NELL2: variants seen among roughly 807,000 people sequenced by gnomAD.
The protein encoded by NELL2 is protein kinase C-binding protein NELL2.
NELL2 carries 41 observed loss-of-function variants against 109.6 expected under a neutral mutation model. That is an observed-to-expected ratio of 0.37 (90% confidence interval 0.29 to 0.49). The LOEUF is 0.49. NELL2 is among the 20% of genes least tolerant of loss of function. The pLI is 0.98. For missense variants in NELL2, 900 were observed against 1,008.3 expected, an observed-to-expected ratio of 0.89 and a Z score of 1.45; for synonymous variants, 355 against 344.7, an observed-to-expected ratio of 1.03 and a Z score of -0.33.
At chr12:44,617,802 T>G (rs1256177785) in intron 13 of NELL2, among the ~76,000 whole-genome samples, 2 of 151,992 alleles carry the variant, frequency 1.3e-5, no homozygotes, top group African/African-American at 4.8e-5. Context: ...AGTTGCCTAT[T>G]ATCTACTTCA....
chr12:44,749,598 G>GA (rs765419945), intron 9 of NELL2, among the ~76,000 whole-genome samples: 1 of 152,040 alleles, frequency 6.6e-6, no homozygotes, highest in Non-Finnish European at 1.5e-5. Flanking sequence ...GAGAGACTGA[G>GA]AAAAAACTGA....
At chr12:44,677,519 T>C (rs529935269) in intron 12 of NELL2, among the ~76,000 whole-genome samples, 57 of 152,224 alleles carry the variant, frequency 3.7e-4, no homozygotes, top group African/African-American at 1.3e-3. Flanking sequence ...TATGTGTTTG[T>C]GCTTTTCCTC....
intron 2 of NELL2, among the ~76,000 whole-genome samples, chr12:44,838,859 C>A (rs1485577683): frequency 6.6e-6 from 1 of 152,162 alleles, no homozygotes; most frequent in African/African-American, 2.4e-5. Flanking sequence ...ACAGTCATTT[C>A]AATATGCAGA....
rs1259268949 is a variant in NELL2 at position 44,664,869 on chromosome 12, A to G, written c.1444+615T>C. ...TTGTTTTGTTTTGTTTTCATATTCT[A>G]CAGGTAGAAAGCTATAGAATAAAAG... is the stretch of plus-strand genomic sequence containing the variant. On this transcript the variant is annotated intron_variant, in intron 13 of 19. Transcript: ENST00000429094. 4.6e-5 allele frequency among the ~76,000 whole-genome samples: 7 copies of G among 151,826 alleles called. No homozygotes were observed. The South Asian group carries it at 8.3e-4, about 18-fold the overall frequency.
At chr12:44,875,438 G>C in intron 1 of NELL2, 85 bp from the exon 2 acceptor site, 1 of 1,613,794 alleles carries the variant, frequency 6.2e-7, no homozygotes. Flanking sequence ...GCAAAGAACC[G>C]CGTTTTCGCG....
At chr12:44,560,320 T>C (rs941457043) in intron 15 of NELL2, among the ~76,000 whole-genome samples, 6 of 151,766 alleles carry the variant, frequency 4.0e-5, no homozygotes, top group Admixed American at 3.3e-4. Flanking sequence ...CAAGAAATAA[T>C]TAAGATCAGA....
At chr12:44,671,041 CCA>C (rs528041621) in intron 12 of NELL2, among the ~76,000 whole-genome samples, 177 of 152,238 alleles carry the variant, frequency 1.2e-3, no homozygotes, top group African/African-American at 3.7e-3. Context: ...ACACGTTAGG[CCA>C]CAAAACAGGT....
intron 9 of NELL2, among the ~76,000 whole-genome samples, chr12:44,726,809 T>C (rs561978104): frequency 3.9e-5 from 6 of 152,296 alleles, no homozygotes; most frequent in African/African-American, 7.2e-5. Context: ...TTATTTCATT[T>C]CATATTTGTA....
intron 17 of NELL2, 121 bp downstream of exon 17, chr12:44,523,170 A>T: frequency 1.1e-6 from 1 of 950,488 alleles, no homozygotes; most frequent in Non-Finnish European, 1.6e-6. Context: ...CTGTTATATT[A>T]ATTGTGATGG....
chr12:44,782,277 C>T (rs1313764886), intron 3 of NELL2, among the ~76,000 whole-genome samples: 1 of 151,592 alleles, frequency 6.6e-6, no homozygotes, highest in African/African-American at 2.4e-5. Context: ...AAGAGACACA[C>T]TCATAAACAT....
At chr12:44,721,177 C>G (rs1274797217) in intron 9 of NELL2, among the ~76,000 whole-genome samples, 1 of 152,174 alleles carries the variant, frequency 6.6e-6, no homozygotes, top group Non-Finnish European at 1.5e-5. Flanking sequence ...TCTAACTTTA[C>G]CAATTTAAAT....
chr12:44,610,255 C>CA (rs1271980690), intron 14 of NELL2, among the ~76,000 whole-genome samples: 141 of 126,338 alleles, frequency 1.1e-3, no homozygotes, highest in Admixed American at 2.6e-3. Flanking sequence ...AAAAAAAAAA[C>CA]AAAAAAAAAA....
chr12:44,897,459 C>A (rs1945605842), intron 1 of NELL2, among the ~76,000 whole-genome samples: 1 of 151,932 alleles, frequency 6.6e-6, no homozygotes, highest in South Asian at 2.1e-4. Flanking sequence ...TGAGTGCAGC[C>A]CACGGAGGGC....
At chr12:44,681,109 T>C (rs1948483134) in intron 12 of NELL2, among the ~76,000 whole-genome samples, 1 of 151,266 alleles carries the variant, frequency 6.6e-6, no homozygotes, top group African/African-American at 2.4e-5. Context: ...AAATTTCTTT[T>C]ATTGTCTTAA....
Position 44,508,738 on chromosome 12 carries a change from GGT to G in NELL2, c.*194_*195del. 1 of 587,262 alleles carries G rather than the reference GGT, an allele frequency of 1.7e-6. No individual in the cohort carries two copies. Among genetic ancestry groups the G allele is most frequent in the Non-Finnish European group, 3.1e-6 (1 of 323,464 alleles). The allele number at this position is 587,262 out of a possible 1,614,324, so 36.4% of individuals were successfully genotyped here. On this transcript the variant is annotated 3_prime_UTR_variant, in exon 20 of 20. Coordinates refer to ENST00000429094, the MANE Select transcript of NELL2 (RefSeq NM_001145108.2). The stretch of plus-strand genomic sequence containing the variant: ...TGAGACACAGTAGAGGCAGACTTGA[GGT>G]CTAATTTTGCCCCAGTAATTTTCCT...
chr12:44,520,147 G>A lies in NELL2; in HGVS notation c.2258C>T (p.Pro753Leu), dbSNP rs141156235. Reference sequence around the variant, plus strand: ...CTGGCAAGGGTCTGTGACACAGCGCGGGCAGCACTCATTCTCTGGGAGAAT... The same window carrying A: ...CTGGCAAGGGTCTGTGACACAGCGCAGGCAGCACTCATTCTCTGGGAGAAT... Reference protein sequence around the residue: ...FSILPENECCPRCVTDPCQAD... With the variant: ...FSILPENECCLRCVTDPCQAD... The change falls in exon 19 of 20, where the codon CCG (proline) becomes CTG (leucine). Residue 753 changes from proline (P) to leucine (L), a missense_variant. By Grantham distance (98) the Pro-to-Leu change is moderately conservative. Transcript: ENST00000429094. The A allele has an allele frequency of 2.2e-5, 35 of 1,613,910 alleles. No individual in the cohort carries two copies. The highest frequency in any genetic ancestry group is 1.6e-4 in the Middle Eastern group (1 of 6,076).
chr12:44,861,151 G>A (rs905690761), intron 2 of NELL2, among the ~76,000 whole-genome samples: 5 of 152,224 alleles, frequency 3.3e-5, no homozygotes, highest in African/African-American at 9.6e-5. Context: ...GAAGAGAGCA[G>A]TAAGGACAAT....
At chr12:44,920,459 A>T (rs1339305065) in intron 1 of NELL2, among the ~76,000 whole-genome samples, 1 of 152,210 alleles carries the variant, frequency 6.6e-6, no homozygotes, top group Non-Finnish European at 1.5e-5. Context: ...TATATTATTC[A>T]CTTAATTACA....
chr12:44,612,168 G>T (rs1041100255), intron 13 of NELL2, among the ~76,000 whole-genome samples: 1 of 151,298 alleles, frequency 6.6e-6, no homozygotes, highest in Non-Finnish European at 1.5e-5. Context: ...TAATATATCC[G>T]TAAATTGTCT....
Sources: gnomAD v4.1 joint callset for allele counts (sites outside exome capture counted in the v4.1 genomes callset) on GRCh38, gnomAD v4.1.1 for gene constraint, MANE v1.5 for transcripts, NCBI Gene and HGNC (gene_info 2026-07-23, HGNC 2026-07-21) for gene names.